The following NR3C2 variants were observed in gnomAD, a reference collection of about 807,000 sequenced individuals.
NR3C2 encodes mineralocorticoid receptor.
NR3C2 carries 15 observed loss-of-function variants against 86.4 expected under a neutral mutation model. That is an observed-to-expected ratio of 0.17 (90% CI 0.12 to 0.27). The LOEUF (loss-of-function observed/expected upper bound fraction) is 0.27. NR3C2 is among the 10% of genes least tolerant of loss of function. NR3C2 has a pLI of 1.00. For synonymous variants in NR3C2, 458 were observed against 450.5 expected (o/e 1.02, Z -0.21); for missense variants, 960 against 1,195.6 (o/e 0.80, Z 2.91).
intron 2 of NR3C2, among the ~76,000 whole-genome samples, chr4:148,373,582 A>C (rs937809471): frequency 1.3e-5 from 2 of 149,432 alleles, no homozygotes; most frequent in South Asian, 4.2e-4. Flanking sequence ...TCAAGCGATT[A>C]TCCAGCCTCA....
At chr4:148,355,199 C>G (rs1439726588) in intron 2 of NR3C2, among the ~76,000 whole-genome samples, 1 of 152,118 alleles carries the variant, frequency 6.6e-6, no homozygotes, top group Non-Finnish European at 1.5e-5. Flanking sequence ...ATACATCAGG[C>G]TTCTCAAGGT....
chr4:148,366,991 C>T (rs529177887), intron 2 of NR3C2, among the ~76,000 whole-genome samples: 1 of 152,210 alleles, frequency 6.6e-6, no homozygotes, highest in African/African-American at 2.4e-5. Context: ...GTATGCTAAG[C>T]CTGTATACTA....
At chr4:148,317,811 T>A (rs1209361681) in intron 2 of NR3C2, among the ~76,000 whole-genome samples, 2 of 152,196 alleles carry the variant, frequency 1.3e-5, no homozygotes, top group Non-Finnish European at 2.9e-5. Flanking sequence ...TCTCATTTTT[T>A]TTTTTAGTGA....
chr4:148,353,514 A>G (rs530038130), intron 2 of NR3C2, among the ~76,000 whole-genome samples: 1 of 152,258 alleles, frequency 6.6e-6, no homozygotes, highest in African/African-American at 2.4e-5. Context: ...GATACCGCAA[A>G]TGCAAGTGGT....
intron 6 of NR3C2, among the ~76,000 whole-genome samples, chr4:148,134,688 G>T (rs141012813): frequency 1.7e-5 from 2 of 119,942 alleles, no homozygotes; most frequent in Non-Finnish European, 3.3e-5. Context: ...TCGCTCTATC[G>T]CCCAGGCTGG....
chr4:148,319,673 CTGTT>C (rs1453181479), intron 2 of NR3C2, among the ~76,000 whole-genome samples: 1 of 150,894 alleles, frequency 6.6e-6, no homozygotes, highest in Non-Finnish European at 1.5e-5. Flanking sequence ...ATTTGGATCT[CTGTT>C]TGTCTGTTGT....
intron 2 of NR3C2, among the ~76,000 whole-genome samples, chr4:148,323,253 C>T (rs375270600): frequency 7.1e-6 from 1 of 140,362 alleles, no homozygotes. Flanking sequence ...TCTCCAGCTG[C>T]GTGCTGGGAG....
intron 2 of NR3C2, among the ~76,000 whole-genome samples, chr4:148,267,082 A>T (rs72950148): frequency 6.6e-6 from 1 of 152,144 alleles, no homozygotes; most frequent in African/African-American, 2.4e-5. Context: ...TAGGAGCCAT[A>T]TATGTCAGGT....
intron 4 of NR3C2, among the ~76,000 whole-genome samples, chr4:148,166,347 G>C (rs936083871): frequency 1.3e-5 from 2 of 152,250 alleles, no homozygotes; most frequent in African/African-American, 4.8e-5. Context: ...GCACTGCCGA[G>C]GACCTGGTGG....
chr4:148,094,456 G>A (rs1223933018), intron 8 of NR3C2, among the ~76,000 whole-genome samples: 1 of 152,212 alleles, frequency 6.6e-6, no homozygotes, highest in Non-Finnish European at 1.5e-5. Context: ...GCCCACGCCT[G>A]TAATCCTAGC....
At chr4:148,195,005 A>C in intron 3 of NR3C2, 143 bp from the exon 4 acceptor site, 1 of 669,806 alleles carries the variant, frequency 1.5e-6, no homozygotes, top group Non-Finnish European at 2.6e-6. Flanking sequence ...TTTGTGGATA[A>C]TATAGAGGAG....
In NR3C2 at chr4:148,183,525, G is replaced by A. The variant is rs184609045; in HGVS notation, c.2014+11221C>T. Among the ~76,000 whole-genome samples the A allele has an allele frequency of 1.8e-3, 272 of 152,314 alleles. 2 individuals are homozygous for A. Among genetic ancestry groups the A allele is most frequent in the Admixed American group, 2.9e-3 (45 of 15,298 alleles). On this transcript the variant is annotated intron_variant, in intron 4 of 8. Coordinates refer to ENST00000358102, the MANE Select transcript of NR3C2 (RefSeq NM_000901.5). ...TAATGATGGCCATTCTAATTGGTGT[G>A]AGATGATATCTCACTGTGGTTTTGA...
intron 2 of NR3C2, among the ~76,000 whole-genome samples, chr4:148,277,757 T>C (rs916022359): frequency 2.6e-5 from 4 of 152,188 alleles, no homozygotes; most frequent in Admixed American, 2.6e-4. Context: ...TCAGGAAGGT[T>C]GCTCCCATGA....
At chr4:148,151,488 A>G (rs1261196092) in intron 6 of NR3C2, among the ~76,000 whole-genome samples, 2 of 152,230 alleles carry the variant, frequency 1.3e-5, no homozygotes, top group African/African-American at 4.8e-5. Flanking sequence ...GGCCACCTCG[A>G]GAACCAACAA....
intron 2 of NR3C2, among the ~76,000 whole-genome samples, chr4:148,393,526 A>G (rs751756442): frequency 4.6e-5 from 7 of 152,126 alleles, no homozygotes; most frequent in Non-Finnish European, 7.4e-5. Context: ...GCCCAAGTGA[A>G]TGGGCAGTGG....
intron 3 of NR3C2, among the ~76,000 whole-genome samples, chr4:148,223,154 G>A (rs892783869): frequency 1.1e-4 from 17 of 151,966 alleles, no homozygotes; most frequent in Middle Eastern, 3.4e-3. Context: ...CCACCTACTC[G>A]GCCCTACACT....
At chr4:148,273,392 T>C (rs1740791561) in intron 2 of NR3C2, among the ~76,000 whole-genome samples, 1 of 152,178 alleles carries the variant, frequency 6.6e-6, no homozygotes, top group Non-Finnish European at 1.5e-5. Context: ...TTTTGAAACA[T>C]AAGTGACAAA....
chr4:148,248,279 G>C (rs1739414283), intron 3 of NR3C2, among the ~76,000 whole-genome samples: 1 of 151,872 alleles, frequency 6.6e-6, no homozygotes, highest in African/African-American at 2.4e-5. Context: ...AGTTTATATT[G>C]TATTCTAAAA....
intron 6 of NR3C2, among the ~76,000 whole-genome samples, chr4:148,122,943 C>T (rs182765796): frequency 6.6e-6 from 1 of 152,292 alleles, no homozygotes; most frequent in African/African-American, 2.4e-5. Context: ...CAAGGGAAGA[C>T]AACCAAAAGG....
Sources: allele counts gnomAD v4.1 joint callset (sites outside exome capture counted in the v4.1 genomes callset), GRCh38; gene constraint gnomAD v4.1.1; transcripts MANE v1.5; gene names NCBI Gene and HGNC (gene_info 2026-07-23, HGNC 2026-07-21).